Variants in GEMIN8 observed in about 807,000 individuals in gnomAD.
The protein encoded by GEMIN8 is gem-associated protein 8.
For synonymous variants in GEMIN8, 80 were observed against 78.5 expected (o/e 1.02, Z -0.10); for missense variants, 185 against 205.9 (o/e 0.90, Z 0.62).
chrX:14,011,194 A>G (rs1923511491), intron 4 of GEMIN8, among the ~76,000 whole-genome samples: 1 of 111,913 alleles, frequency 8.9e-6, no homozygotes, highest in Non-Finnish European at 1.9e-5. Context: ...ACTTTGAAGG[A>G]AAGCTTAGCT....
rs955911561 is a variant in GEMIN8 at position 14,006,957 on chromosome X, A to G, written c.*1956T>C. Among the ~76,000 whole-genome samples the G allele has an allele frequency of 1.8e-5, 2 of 111,995 alleles. No homozygotes were observed. Among genetic ancestry groups the G allele is most frequent in the Non-Finnish European group, 3.8e-5 (2 of 53,229 alleles). On this transcript the variant is annotated 3_prime_UTR_variant, in exon 5 of 5. Transcript: ENST00000680255. ...GGTATAAGAGTCCTTTGCGAAGAGA[A>G]ACATTTCACTTTCAAATGCCTCAGC...
the GEMIN8 span, among the ~76,000 whole-genome samples, chrX:13,985,417 C>T: frequency 2.7e-5 from 3 of 112,009 alleles, no homozygotes; most frequent in East Asian, 8.4e-4. Context: ...TTGGACTTCT[C>T]AATTGGTCCT....
chrX:13,999,828 A>G, the GEMIN8 span, among the ~76,000 whole-genome samples: 3 of 111,896 alleles, frequency 2.7e-5, no homozygotes, highest in African/African-American at 6.5e-5. Flanking sequence ...CCACAGAGGT[A>G]AAGCTCCCTT....
At chrX:14,028,308 T>C (rs1173045766) in intron 1 of GEMIN8, among the ~76,000 whole-genome samples, 4 of 111,876 alleles carry the variant, frequency 3.6e-5, no homozygotes, top group Non-Finnish European at 7.5e-5. Context: ...CCTGATAACG[T>C]TCTCTCCTCC....
intron 4 of GEMIN8, among the ~76,000 whole-genome samples, chrX:14,009,578 C>A (rs1300171895): frequency 3.6e-5 from 4 of 111,220 alleles, no homozygotes; most frequent in Non-Finnish European, 7.5e-5. Context: ...GGTGAAGAGC[C>A]ACAAGGAAAC....
At chrX:13,991,152 T>A in the GEMIN8 span, among the ~76,000 whole-genome samples, 1 of 112,810 alleles carries the variant, frequency 8.9e-6, no homozygotes, top group Non-Finnish European at 1.9e-5. Flanking sequence ...AGAAAAGAGC[T>A]GCAATGGCTT....
chrX:14,012,706 T>G (rs768467661), intron 4 of GEMIN8, among the ~76,000 whole-genome samples: 1 of 111,703 alleles, frequency 9.0e-6, no homozygotes, highest in Non-Finnish European at 1.9e-5. Context: ...CATGCATGAT[T>G]TTTTTGTAAA....
the GEMIN8 span, among the ~76,000 whole-genome samples, chrX:13,998,686 G>A: frequency 1.1e-4 from 12 of 111,190 alleles, no homozygotes; most frequent in Admixed American, 1.9e-4. Context: ...ACTCCTGGGC[G>A]CAAGAGATCC....
chrX:13,988,805 T>G, the GEMIN8 span: 1 of 99,112 alleles, frequency 1.0e-5, no homozygotes, highest in South Asian at 5.3e-4. Flanking sequence ...TCATTCCATG[T>G]CAATACAGGA....
Position 14,021,435 on chromosome X carries a change from A to G in GEMIN8, c.15+29T>C, listed in dbSNP as rs751837846. 3.3e-6 allele frequency: 3 copies of G among 916,246 alleles called. No individual in the cohort carries two copies. The South Asian group carries it at 6.4e-5, about 19-fold the overall frequency. 75.5% of individuals were successfully genotyped at this position (916,246 alleles called of 1,213,427 possible). On this transcript the variant is annotated intron_variant, in intron 3 of 4. Coordinates refer to ENST00000680255, the MANE Select transcript of GEMIN8 (RefSeq NM_001042479.2). ...TTTACCTTTTTTACTTACGAGCTCAAAAAAAAAATAAAAAAATAAAAATCT... is the reference window on the plus strand; with the variant it reads ...TTTACCTTTTTTACTTACGAGCTCAGAAAAAAAATAAAAAAATAAAAATCT...
chrX:14,011,154 C>G (rs1047024828), intron 4 of GEMIN8, among the ~76,000 whole-genome samples: 11 of 112,189 alleles, frequency 9.8e-5, no homozygotes, highest in African/African-American at 3.6e-4. Context: ...CTGTTTTTCT[C>G]CTGCCTCTGT....
chrX:14,013,835 C>T, intron 4 of GEMIN8: 1 of 226,120 alleles, frequency 4.4e-6, no homozygotes, highest in Non-Finnish European at 6.3e-6. Context: ...TTTGTTACAG[C>T]AGCCCTGGGA....
intron 2 of GEMIN8, among the ~76,000 whole-genome samples, chrX:14,021,978 G>A (rs944629557): frequency 1.0e-5 from 1 of 97,517 alleles, no homozygotes; most frequent in Admixed American, 1.1e-4. Flanking sequence ...ATATATGTGT[G>A]TATATATAAT....
chrX:13,999,065 G>A, the GEMIN8 span, among the ~76,000 whole-genome samples: 1 of 110,736 alleles, frequency 9.0e-6, no homozygotes, highest in Non-Finnish European at 1.9e-5. Flanking sequence ...TGCAAAAATC[G>A]ATATTAAATT....
chrX:14,008,106 C>T lies in GEMIN8; in HGVS notation c.*807G>A, dbSNP rs1360390288. On this transcript the variant is annotated 3_prime_UTR_variant, in exon 5 of 5. Transcript: ENST00000680255. ...GCAATTCCCCTGCCTCAGTCTCCCACGTAGCTGGGATTACAGGCACACACC... is the reference window on the plus strand; with the variant it reads ...GCAATTCCCCTGCCTCAGTCTCCCATGTAGCTGGGATTACAGGCACACACC... Among the ~76,000 whole-genome samples, 2 of 110,309 alleles carry T rather than the reference C, an allele frequency of 1.8e-5. No individual in the cohort carries two copies. Among genetic ancestry groups the T allele is most frequent in the East Asian group, 5.7e-4 (2 of 3,485 alleles).
the GEMIN8 span, among the ~76,000 whole-genome samples, chrX:13,991,713 C>T: frequency 1.0e-5 from 1 of 95,710 alleles, no homozygotes; most frequent in Non-Finnish European, 2.2e-5. Context: ...GACATACACG[C>T]ACACACACAC....
rs750408682 is a variant in GEMIN8 at position 14,020,321 on chromosome X, A to C, written c.229T>G (p.Tyr77Asp). 8.3e-7 allele frequency: 1 copy of C among 1,206,352 alleles called. No homozygotes were observed. Among genetic ancestry groups the C allele is most frequent in the Non-Finnish European group, 1.1e-6 (1 of 891,622 alleles). ...TCCTGCCAGGCCACATGATGGTCAT[A>C]GAAGGACTGAGGATACGCAGCCTCA... Reference protein sequence around the residue: ...DNEAAYPQSFYDHHVAWQDYP... With the variant: ...DNEAAYPQSFDDHHVAWQDYP... The change falls in exon 4 of 5, where the codon TAT becomes GAT. Residue 77 changes from tyrosine (Y) to aspartate (D), a missense_variant. Physicochemically the swap from Tyr to Asp is radical, Grantham distance 160. Transcript: ENST00000680255.
intron 4 of GEMIN8, chrX:14,014,299 C>A: frequency 1.3e-6 from 1 of 753,392 alleles, no homozygotes; most frequent in Non-Finnish European, 1.6e-6. Flanking sequence ...TGCCTCATTT[C>A]TGGCTTGTCA....
chrX:14,028,639 T>C (rs888129425), intron 1 of GEMIN8, among the ~76,000 whole-genome samples: 1 of 111,154 alleles, frequency 9.0e-6, no homozygotes, highest in African/African-American at 3.3e-5. Flanking sequence ...CCCAAAATGA[T>C]TAATCACCAT....
Sources: gnomAD v4.1 joint callset for allele counts (sites outside exome capture counted in the v4.1 genomes callset) on GRCh38, gnomAD v4.1.1 for gene constraint, MANE v1.5 for transcripts, NCBI Gene and HGNC (gene_info 2026-07-23, HGNC 2026-07-21) for gene names.